Variants in SH2D3C observed in about 807,000 individuals in gnomAD.
SH2D3C encodes the protein SH2 domain containing 3C, also known as SH2 domain-containing protein 3C.
Under a neutral mutation model 75.2 loss-of-function variants are expected in SH2D3C, and 25 were observed. The observed-to-expected ratio is 0.33, with a 90% CI of 0.24 to 0.46. SH2D3C has a LOEUF of 0.46. SH2D3C is among the 20% of genes least tolerant of loss of function. The pLI is 1.00. For synonymous variants in SH2D3C, 450 were observed against 473.7 expected, an observed-to-expected ratio of 0.95 and a Z score of 0.65; for missense variants, 933 against 1,165.3, an observed-to-expected ratio of 0.80 and a Z score of 2.90.
chr9:127,759,974 C>A (rs1335927125), intron 3 of SH2D3C, among the ~76,000 whole-genome samples: 1 of 149,872 alleles, frequency 6.7e-6, no homozygotes, highest in Non-Finnish European at 1.5e-5. Flanking sequence ...CAGAGTGAGA[C>A]TCCGTCTCAA....
chr9:127,744,040 GACATCTGGAGGAAGCAAGGATATCTT>G (rs1844947752), intron 7 of SH2D3C, among the ~76,000 whole-genome samples: 2 of 150,012 alleles, frequency 1.3e-5, no homozygotes, highest in South Asian at 4.2e-4. Flanking sequence ...GTGCCAAACT[GACATCTGGAGGAAGCAAGGATATCTT>G]ATGTGCTTTT....
chr9:127,739,906 G>A lies in SH2D3C; in HGVS notation c.2201-18C>T. The A allele has an allele frequency of 6.7e-7, 1 of 1,501,920 alleles. No individual in the cohort carries two copies. Among genetic ancestry groups the A allele is most frequent in the Non-Finnish European group, 8.9e-7 (1 of 1,117,676 alleles). 93.0% of individuals were successfully genotyped at this position (1,501,920 alleles called of 1,614,324 possible). A position where few individuals can be genotyped will look rare whatever the true frequency, so the allele number is the denominator to read the frequency against. On this transcript the variant is annotated intron_variant, in intron 10 of 11. Coordinates refer to ENST00000314830, the MANE Select transcript of SH2D3C (RefSeq NM_170600.3). The surrounding 1 kb of genome is among the most constrained non-coding windows in gnomAD (Gnocchi z 4.3). ...CGGGCCTTCTGCAAGGAGAAAGGCA[G>A]CAGGCGCTTAAAGATCCTGTAGTGC...
At chr9:127,762,353 G>C (rs1845549560) in intron 2 of SH2D3C, 2 of 1,302,034 alleles carry the variant, frequency 1.5e-6, no homozygotes, top group African/African-American at 1.5e-5. Context: ...AGGCAGCCTG[G>C]ACCTGCCCCT....
At chr9:127,769,899 G>C (rs1007945672) in intron 2 of SH2D3C, among the ~76,000 whole-genome samples, 4 of 152,164 alleles carry the variant, frequency 2.6e-5, no homozygotes, top group Admixed American at 2.6e-4. Flanking sequence ...CCCCAGTCTA[G>C]TGTTGAGCTA....
intron 1 of SH2D3C, among the ~76,000 whole-genome samples, chr9:127,778,318 C>A (rs1829073782): frequency 6.6e-6 from 1 of 151,518 alleles, no homozygotes; most frequent in African/African-American, 2.4e-5. Flanking sequence ...TTTAATTGTG[C>A]CTGGAGTCCT....
intron 1 of SH2D3C, among the ~76,000 whole-genome samples, chr9:127,775,010 C>T (rs1588528289): frequency 1.3e-5 from 2 of 151,558 alleles, no homozygotes; most frequent in East Asian, 3.9e-4. Context: ...ATTGCTTGAA[C>T]CCGGGAGGCG....
chr9:127,771,630 A>ACCCCG (rs1424066452), intron 2 of SH2D3C, among the ~76,000 whole-genome samples: 2 of 147,140 alleles, frequency 1.4e-5, no homozygotes, highest in East Asian at 2.0e-4. Context: ...GCCTCGCCCC[A>ACCCCG]CCCCGCCCCG....
intron 3 of SH2D3C, among the ~76,000 whole-genome samples, chr9:127,752,308 C>T (rs1190983426): frequency 6.6e-6 from 1 of 152,190 alleles, no homozygotes; most frequent in Non-Finnish European, 1.5e-5. Context: ...CCTCACCTCA[C>T]TGCGAAGATG....
In SH2D3C at chr9:127,749,974, C is replaced by T. The variant is rs1845150825; in HGVS notation, c.685-309G>A. ...AGTGAGAATGGCTGTGACCTGAGAC[C>T]CAGGTCTCAGACCCATCCCTTCTCA... On this transcript the variant is annotated intron_variant, in intron 4 of 11. Coordinates refer to ENST00000314830, the MANE Select transcript of SH2D3C (RefSeq NM_170600.3). This position sits in a 1 kb window ranked among gnomAD's most constrained non-coding sequence, Gnocchi z 5.9. Among the ~76,000 whole-genome samples the T allele has an allele frequency of 6.6e-6, 1 of 151,968 alleles. No homozygotes were observed. Among genetic ancestry groups the T allele is most frequent in the Middle Eastern group, 3.2e-3 (1 of 314 alleles).
rs750346642 is a variant in SH2D3C at position 127,741,928 on chromosome 9, C to T, written c.1948G>A (p.Asp650Asn). ...FHTMSIMLAV[D>N]ILGCTGSAEE... The stretch of plus-strand genomic sequence containing the variant: ...GCAGAGCCGGTGCAGCCCAGGATGT[C>T]CACGGCCAGCATGATGGACATGGTG... The change falls in exon 9 of 12, where the codon GAC becomes AAC. Residue 650 changes from aspartate (D) to asparagine (N), a missense_variant. By Grantham distance (23) the Asp-to-Asn change is conservative. Transcript: ENST00000314830. 29 of 1,612,656 alleles carry T rather than the reference C, an allele frequency of 1.8e-5. No individual in the cohort carries two copies. The Admixed American group carries it at 2.0e-4, about 11-fold the overall frequency.
chr9:127,765,775 A>G (rs1845621489), intron 2 of SH2D3C, among the ~76,000 whole-genome samples: 1 of 152,210 alleles, frequency 6.6e-6, no homozygotes, highest in Non-Finnish European at 1.5e-5. Context: ...ATCCATTTTT[A>G]AAACTCAGCT....
In SH2D3C at chr9:127,754,952, G is replaced by T. The variant is rs1039217849; in HGVS notation, c.556-3652C>A. 175 of 495,188 alleles carry T rather than the reference G, an allele frequency of 3.5e-4. No individual in the cohort carries two copies. Among genetic ancestry groups the T allele is most frequent in the African/African-American group, 3.3e-3 (149 of 45,716 alleles). 30.7% of individuals were successfully genotyped at this position (495,188 alleles called of 1,614,324 possible). A position where few individuals can be genotyped will look rare whatever the true frequency, so the allele number is the denominator to read the frequency against. On this transcript the variant is annotated intron_variant, in intron 3 of 11. Coordinates refer to ENST00000314830, the MANE Select transcript of SH2D3C (RefSeq NM_170600.3). The surrounding 1 kb of genome is among the most constrained non-coding windows in gnomAD (Gnocchi z 4.4). ...CCCGCCCCCTCCCCGGGTCGGCCGG[G>T]CCCAGCCCAGCCCGACCCTGCCGGG...
At chr9:127,747,403 C>T (rs1845065003) in intron 5 of SH2D3C, 132 bp from the exon 6 acceptor site, 3 of 832,214 alleles carry the variant, frequency 3.6e-6, no homozygotes, top group Non-Finnish European at 5.2e-6. Flanking sequence ...TCCAACCTCC[C>T]GACTGACAGG....
At position 127,751,282 on chromosome 9, in the gene SH2D3C, T is replaced by C; in HGVS notation, c.574A>G (p.Ile192Val). The change falls in exon 4 of 12, where the codon ATC becomes GTC. Residue 192 changes from isoleucine (I) to valine (V), a missense_variant. Transcript: ENST00000314830. The surrounding 1 kb of genome is among the most constrained non-coding windows in gnomAD (Gnocchi z 4.1). ...AGTTTCTCTGGCGATGAGTCCAGGA[T>C]GTACTTCTCCTTGGAGAACTGGGTA... ...DYVKFSKEKYILDSSPEKLHK... is the reference protein window; with the variant it reads ...DYVKFSKEKYVLDSSPEKLHK... 1 of 1,613,972 alleles carries C rather than the reference T, an allele frequency of 6.2e-7. No individual in the cohort carries two copies.
chr9:127,751,445 TC>T lies in SH2D3C; in HGVS notation c.556-146del. ...CAGGTGCCAGACCCTTTCCCATGGG[TC>T]CCAGAAAGAGTAAAGAAATCTCAAT... is the stretch of plus-strand genomic sequence containing the variant. On this transcript the variant is annotated intron_variant, in intron 3 of 11. Coordinates refer to ENST00000314830, the MANE Select transcript of SH2D3C (RefSeq NM_170600.3). This position sits in a 1 kb window ranked among gnomAD's most constrained non-coding sequence, Gnocchi z 4.1. The T allele has an allele frequency of 1.3e-6, 1 of 763,900 alleles. No homozygotes were observed. The highest frequency in any genetic ancestry group is 2.2e-6 in the Non-Finnish European group (1 of 461,302). The allele number at this position is 763,900 out of a possible 1,614,324, so 47.3% of individuals were successfully genotyped here.
chr9:127,742,107 GC>G, intron 8 of SH2D3C, 148 bp from the exon 9 acceptor site: 1 of 716,682 alleles, frequency 1.4e-6, no homozygotes, highest in Non-Finnish European at 2.2e-6. Flanking sequence ...AGGGGGCGCG[GC>G]CAGAGCGTGG....
At chr9:127,745,539 CTG>C (rs2131743983) in intron 6 of SH2D3C, among the ~76,000 whole-genome samples, 1 of 143,356 alleles carries the variant, frequency 7.0e-6, no homozygotes, top group South Asian at 2.3e-4. Context: ...TCTAGGCTCA[CTG>C]CAACCTCCAC....
intron 2 of SH2D3C, chr9:127,762,575 C>T (rs1167018081): frequency 1.3e-5 from 2 of 152,286 alleles, no homozygotes. Context: ...TTCAGCTCCA[C>T]GCCCAGTCCA....
Position 127,747,260 on chromosome 9 carries a change from G to T in SH2D3C, c.1151C>A (p.Pro384His), listed in dbSNP as rs1036536192. The T allele has an allele frequency of 1.9e-6, 3 of 1,612,856 alleles. No individual in the cohort carries two copies. The highest frequency in any genetic ancestry group is 1.7e-5 in the Admixed American group (1 of 59,984). ...SDGCPTSTSL[P>H]RPRDSIRSCA... Reference sequence around the variant, plus strand: ...GCTGCGGATGGAGTCCCGAGGGCGGGGCAGCGACGTACTGTGGAGCAGACA... The same window carrying T: ...GCTGCGGATGGAGTCCCGAGGGCGGTGCAGCGACGTACTGTGGAGCAGACA... The change falls in exon 6 of 12, where the codon CCC becomes CAC. Residue 384 changes from proline (P) to histidine (H), a missense_variant. Coordinates refer to ENST00000314830, the MANE Select transcript of SH2D3C (RefSeq NM_170600.3).
Sources: gnomAD v4.1 joint callset for allele counts (sites outside exome capture counted in the v4.1 genomes callset) on GRCh38, gnomAD v4.1.1 for gene constraint, Gnocchi (gnomAD v3.1) non-coding constraint, MANE v1.5 for transcripts, NCBI Gene and HGNC (gene_info 2026-07-23, HGNC 2026-07-21) for gene names.